Variants in RBFOX1 observed in about 807,000 individuals in gnomAD.
RBFOX1 encodes the protein RNA binding protein fox-1 homolog 1.
RBFOX1 carries 8 observed loss-of-function variants against 57.7 expected under a neutral mutation model. That is an observed-to-expected ratio of 0.14 (90% CI 0.08 to 0.25). RBFOX1 has a LOEUF of 0.25. RBFOX1 is among the 10% of genes least tolerant of loss of function. The probability of loss-of-function intolerance (pLI) is 1.00; values close to 1 mark genes in which losing one functional copy is unlikely to be tolerated. For synonymous variants in RBFOX1, 326 were observed against 222.4 expected (o/e 1.47, Z -4.15); for missense variants, 611 against 548.5 (o/e 1.11, Z -1.14).
Position 5,946,497 on chromosome 16 carries a change from G to C in RBFOX1, c.351+79162G>C, listed in dbSNP as rs1226200562. Among the ~76,000 whole-genome samples, 2 of 152,176 alleles carry C rather than the reference G, an allele frequency of 1.3e-5. No individual in the cohort carries two copies. The highest frequency in any genetic ancestry group is 2.9e-5 in the Non-Finnish European group (2 of 68,036). On this transcript the variant is annotated intron_variant, in intron 4 of 19. Coordinates refer to the RBFOX1 transcript ENST00000641259. The surrounding 1 kb of genome is among the most constrained non-coding windows in gnomAD (Gnocchi z 4.6). ...TGGAATGGGAGTGCCTCATGGTGGG[G>C]TGCCTGGAGAGGACATGGAAGTTCT... is the stretch of plus-strand genomic sequence containing the variant.
rs755393555 is a variant in RBFOX1 at position 5,378,165 on chromosome 16, G to A, written c.220-89051G>A. Among the ~76,000 whole-genome samples the A allele has an allele frequency of 3.3e-5, 5 of 151,616 alleles. 1 individual carries two copies. Among genetic ancestry groups the A allele is most frequent in the African/African-American group, 9.8e-5 (4 of 40,884 alleles). On this transcript the variant is annotated intron_variant, in intron 1 of 2. Transcript: ENST00000585867. ...GCCTGCAGTTGTTGAAGGTGTGTGC[G>A]TTTTCTGGAATATTCAGCAACAGCT...
At chr16:7,603,806 A>G (rs1357167417) in intron 9 of RBFOX1, among the ~76,000 whole-genome samples, 1 of 152,192 alleles carries the variant, frequency 6.6e-6, no homozygotes, top group Non-Finnish European at 1.5e-5. Context: ...TGACTAAGGT[A>G]AGACATGTGT....
intron 3 of RBFOX1, among the ~76,000 whole-genome samples, chr16:6,768,657 C>G (rs566917419): frequency 6.7e-6 from 1 of 150,260 alleles, no homozygotes; most frequent in South Asian, 2.1e-4. Flanking sequence ...CATTAGTATG[C>G]GTATGTACAG....
At chr16:6,496,833 G>C in intron 2 of RBFOX1, among the ~76,000 whole-genome samples, 1 of 152,080 alleles carries the variant, frequency 6.6e-6, no homozygotes, top group African/African-American at 2.4e-5. Context: ...GATGGCGGGT[G>C]CCTGTAATCC....
At chr16:7,519,278 G>C (rs1402136098) in intron 5 of RBFOX1, among the ~76,000 whole-genome samples, 1 of 152,128 alleles carries the variant, frequency 6.6e-6, no homozygotes, top group Non-Finnish European at 1.5e-5. Context: ...GATTCATCCA[G>C]GTTGCGGTGT....
At chr16:5,668,539 AG>A (rs1266283383) in intron 3 of RBFOX1, among the ~76,000 whole-genome samples, 2 of 152,212 alleles carry the variant, frequency 1.3e-5, no homozygotes, top group Non-Finnish European at 2.9e-5. Flanking sequence ...GAGCATTAAC[AG>A]GGTGGACTGA....
chr16:7,639,178 T>C (rs2062322634), intron 11 of RBFOX1, among the ~76,000 whole-genome samples: 1 of 152,190 alleles, frequency 6.6e-6, no homozygotes, highest in Non-Finnish European at 1.5e-5. Context: ...GACATTAGTC[T>C]AAGACCTGCC....
intron 4 of RBFOX1, among the ~76,000 whole-genome samples, chr16:5,967,605 G>T (rs760233925): frequency 3.9e-5 from 6 of 152,078 alleles, no homozygotes; most frequent in Non-Finnish European, 8.8e-5. Context: ...TACACCATGG[G>T]CTCATACTGA....
At chr16:7,464,314 C>G (rs532647682) in intron 4 of RBFOX1, among the ~76,000 whole-genome samples, 38 of 152,288 alleles carry the variant, frequency 2.5e-4, no homozygotes, top group African/African-American at 9.1e-4. Context: ...TCCAGAAACA[C>G]AGTAAAATGA....
chr16:5,846,797 G>A (rs1040637497), intron 3 of RBFOX1, among the ~76,000 whole-genome samples: 1 of 152,228 alleles, frequency 6.6e-6, no homozygotes, highest in South Asian at 2.1e-4. Context: ...TCACTGAAAA[G>A]GCTCCAGGAA....
intron 4 of RBFOX1, among the ~76,000 whole-genome samples, chr16:7,272,064 C>T (rs906111162): frequency 3.3e-5 from 5 of 152,206 alleles, no homozygotes; most frequent in African/African-American, 4.8e-5. Context: ...GGCTTGTGAT[C>T]ATATCCTCTT....
intron 1 of RBFOX1, among the ~76,000 whole-genome samples, chr16:5,263,397 C>G (rs1008116269): frequency 5.9e-5 from 9 of 152,078 alleles, no homozygotes; most frequent in African/African-American, 2.2e-4. Flanking sequence ...TGAAGATCAA[C>G]AAAGTTTGGG....
chr16:5,819,716 G>T (rs2055776701), intron 3 of RBFOX1, among the ~76,000 whole-genome samples: 1 of 152,242 alleles, frequency 6.6e-6, no homozygotes, highest in Admixed American at 6.5e-5. Context: ...CCTCTGCCAT[G>T]CCCACCAGGT....
chr16:5,633,889 C>T (rs776221353), intron 3 of RBFOX1, among the ~76,000 whole-genome samples: 1 of 151,226 alleles, frequency 6.6e-6, no homozygotes, highest in Non-Finnish European at 1.5e-5. Context: ...AATACATAGA[C>T]AGTTCTCAAA....
chr16:6,211,095 C>G (rs1168191036), intron 1 of RBFOX1, among the ~76,000 whole-genome samples: 1 of 144,658 alleles, frequency 6.9e-6, no homozygotes, highest in African/African-American at 2.5e-5. Context: ...AGATCTTAGA[C>G]CCTTACTCCA....
At chr16:7,689,763 G>C (rs1598168352) in intron 14 of RBFOX1, among the ~76,000 whole-genome samples, 1 of 152,026 alleles carries the variant, frequency 6.6e-6, no homozygotes, top group South Asian at 2.1e-4. Context: ...AAATGCATAA[G>C]AAGTGGTCCA....
At chr16:6,366,530 C>A (rs1003354673) in intron 2 of RBFOX1, among the ~76,000 whole-genome samples, 9 of 152,252 alleles carry the variant, frequency 5.9e-5, no homozygotes, top group African/African-American at 2.2e-4. Context: ...TATGACACCA[C>A]CTGAATTTTC....
intron 2 of RBFOX1, among the ~76,000 whole-genome samples, chr16:5,481,867 C>G (rs1309649109): frequency 2.0e-5 from 3 of 152,148 alleles, no homozygotes; most frequent in Non-Finnish European, 4.4e-5. Context: ...GTGTCTGTGT[C>G]CTAATCAAAG....
At chr16:6,950,625 T>C (rs2080526319) in intron 3 of RBFOX1, among the ~76,000 whole-genome samples, 1 of 152,152 alleles carries the variant, frequency 6.6e-6, no homozygotes, top group African/African-American at 2.4e-5. Flanking sequence ...CTGTGTGCCT[T>C]ATGTAGAAGC....
Sources: allele counts gnomAD v4.1 joint callset (sites outside exome capture counted in the v4.1 genomes callset), GRCh38; gene constraint gnomAD v4.1.1; non-coding constraint Gnocchi (gnomAD v3.1); transcripts MANE v1.5; gene names NCBI Gene and HGNC (gene_info 2026-07-23, HGNC 2026-07-21).